Variants in PRPF8 observed in about 807,000 individuals in gnomAD.
PRPF8 encodes pre-mRNA-processing-splicing factor 8.
PRPF8 carries 64 observed loss-of-function variants against 285.9 expected under a neutral mutation model. The ratio of observed to expected loss-of-function variants is 0.22; its 90% CI spans 0.18 to 0.28. The LOEUF (loss-of-function observed/expected upper bound fraction) is 0.28. PRPF8 is among the 10% of genes least tolerant of loss of function. The pLI, the probability that PRPF8 is intolerant of heterozygous loss-of-function variation, is 1.00. For synonymous variants in PRPF8, 1,325 were observed against 1,118.2 expected (o/e 1.18, Z -3.69); for missense variants, 1,426 against 3,026.7 (o/e 0.47, Z 12.41).
At position 1,679,677 on chromosome 17, in the gene PRPF8, G is replaced by A. The variant is rs374996889; in HGVS notation, c.1221C>T (p.Ala407=). ...NTANGIALLW[A]PRPFNLRSGR... ...CAGAGCGTAGGTTGAAGGGCCGCGG[G>A]GCCCAGAGCAGGGCAATGCCATTGG... is the stretch of plus-strand genomic sequence containing the variant. Residue 407 remains alanine (A), a synonymous_variant, in exon 9 of 43, where the codon GCC becomes GCT. Coordinates refer to ENST00000304992, the MANE Select transcript of PRPF8 (RefSeq NM_006445.4). The surrounding 1 kb of genome is among the most constrained non-coding windows in gnomAD (Gnocchi z 4.7). 77 of 1,614,042 alleles carry A rather than the reference G, an allele frequency of 4.8e-5. No individual in the cohort carries two copies. Among genetic ancestry groups the A allele is most frequent in the Middle Eastern group, 1.6e-4 (1 of 6,066 alleles).
chr17:1,668,485 CCT>C (rs1245592442), intron 24 of PRPF8, among the ~76,000 whole-genome samples: 67 of 151,852 alleles, frequency 4.4e-4, no homozygotes, highest in South Asian at 2.5e-3. Flanking sequence ...CATCAGCCCC[CCT>C]GAGTAGCTGG....
intron 24 of PRPF8, among the ~76,000 whole-genome samples, chr17:1,667,945 T>C (rs1390997496): frequency 1.3e-5 from 2 of 152,238 alleles, no homozygotes; most frequent in African/African-American, 4.8e-5. Context: ...CCAAAAGTGC[T>C]GGGATTGCAG....
In PRPF8 at chr17:1,678,648, G is replaced by C; in HGVS notation, c.1724C>G (p.Ala575Gly). Residue 575 changes from alanine to glycine, a missense_variant, in exon 13 of 43, where the codon GCA becomes GGA. Physicochemically the swap from Ala to Gly is moderately conservative, Grantham distance 60. Transcript: ENST00000304992. ...GGCAAATATATACTGCAATCCATCT[G>C]CCAGCTGCAATACAATTGCCCCATC... ...RLGNVDAFQL[A>G]DGLQYIFAHV... 1.2e-6 allele frequency: 2 copies of C among 1,614,136 alleles called. No individual in the cohort carries two copies. The highest frequency in any genetic ancestry group is 1.7e-6 in the Non-Finnish European group (2 of 1,180,038).
intron 24 of PRPF8, among the ~76,000 whole-genome samples, chr17:1,670,104 G>C (rs903065486): frequency 6.6e-6 from 1 of 152,132 alleles, no homozygotes; most frequent in African/African-American, 2.4e-5. Flanking sequence ...ATCAATTAAA[G>C]AGGCACCACT....
chr17:1,670,422 C>T (rs1341225698), intron 24 of PRPF8, among the ~76,000 whole-genome samples: 1 of 152,198 alleles, frequency 6.6e-6, no homozygotes, highest in Admixed American at 6.5e-5. Context: ...ATTTTATCTG[C>T]TAACTTCTTA....
At position 1,651,166 on chromosome 17, in the gene PRPF8, G is replaced by A. The variant is rs1911033298; in HGVS notation, c.6795C>T (p.Asp2265=). 1.9e-6 allele frequency: 3 copies of A among 1,614,158 alleles called. 1 individual carries two copies. Among genetic ancestry groups the A allele is most frequent in the Non-Finnish European group, 2.5e-6 (3 of 1,180,032 alleles). The change falls in exon 42 of 43, where the codon GAC becomes GAT. Residue 2265 remains aspartate, a synonymous_variant. Coordinates refer to ENST00000304992, the MANE Select transcript of PRPF8 (RefSeq NM_006445.4). The surrounding 1 kb of genome is among the most constrained non-coding windows in gnomAD (Gnocchi z 5.1). The part of the protein sequence containing the change: ...HYERVQMLLS[D]RFLGFFMVPA... The stretch of plus-strand genomic sequence containing the variant: ...GGACCATGAAGAAGCCAAGGAAACG[G>A]TCCGACAGCAGCATCTGCACCCTCT...
In PRPF8 at chr17:1,675,418, T is replaced by C; in HGVS notation, c.2873-79A>G. 6.5e-7 allele frequency: 1 copy of C among 1,536,482 alleles called. No individual in the cohort carries two copies. Among genetic ancestry groups the C allele is most frequent in the Non-Finnish European group, 9.0e-7 (1 of 1,112,328 alleles). On this transcript the variant is annotated intron_variant, in intron 19 of 42. Coordinates refer to ENST00000304992, the MANE Select transcript of PRPF8 (RefSeq NM_006445.4). This position sits in a 1 kb window ranked among gnomAD's most constrained non-coding sequence, Gnocchi z 6.0. ...AGCCCCACAGGAACTATCATTACCT[T>C]CCATAACCAATCCCACTATGATTCC...
At chr17:1,678,398 G>C in intron 13 of PRPF8, 120 bp downstream of exon 13, 2 of 1,299,490 alleles carry the variant, frequency 1.5e-6, no homozygotes, top group Non-Finnish European at 2.2e-6. Flanking sequence ...CAGGAGAATT[G>C]CTTGAACTCA....
In PRPF8 at chr17:1,680,429, C is replaced by A. The variant is rs573676605; in HGVS notation, c.1098+297G>T. 6 of 500,370 alleles carry A rather than the reference C, an allele frequency of 1.2e-5. No individual in the cohort carries two copies. In the East Asian group the frequency reaches 1.9e-4, roughly 16 times the overall value. 31.0% of individuals were successfully genotyped at this position (500,370 alleles called of 1,614,324 possible). Reference sequence around the variant, plus strand: ...ATGGATAACTTGTATGGTATGTTAACTACATCTCAATATAAAGGCTAAAAC... The same window carrying A: ...ATGGATAACTTGTATGGTATGTTAAATACATCTCAATATAAAGGCTAAAAC... On this transcript the variant is annotated intron_variant, in intron 8 of 42. Coordinates refer to ENST00000304992, the MANE Select transcript of PRPF8 (RefSeq NM_006445.4).
Position 1,683,537 on chromosome 17 carries a change from A to G in PRPF8, c.265T>C (p.Leu89=), listed in dbSNP as rs374170354. Residue 89 remains leucine (L), a synonymous_variant, in exon 3 of 43, where the codon TTG becomes CTG. Transcript: ENST00000304992. ...RKFRHDKRVY[L]GALKYMPHAV... ...TTATTTCAGGATGTTCCTTACCCCA[A>G]GTAAACCCTTTTGTCATGGCGGAAC... 44 of 1,614,084 alleles carry G rather than the reference A, an allele frequency of 2.7e-5. 1 individual carries two copies. The highest frequency in any genetic ancestry group is 1.6e-4 in the Middle Eastern group (1 of 6,084).
In PRPF8 at chr17:1,682,044, A is replaced by G. The variant is rs75026252; in HGVS notation, c.435-6T>C. On this transcript the variant is annotated splice_region_variant and splice_polypyrimidine_tract_variant and intron_variant, in intron 4 of 42. Coordinates refer to ENST00000304992, the MANE Select transcript of PRPF8 (RefSeq NM_006445.4). Reference sequence around the variant, plus strand: ...GCATCATAATCCACATTGACCTGGAAGGCAAGACATCACACAACCATTTCT... The same window carrying G: ...GCATCATAATCCACATTGACCTGGAGGGCAAGACATCACACAACCATTTCT... 1.2e-6 allele frequency: 2 copies of G among 1,613,810 alleles called. No individual in the cohort carries two copies. Among genetic ancestry groups the G allele is most frequent in the African/African-American group, 1.3e-5 (1 of 74,822 alleles).
intron 34 of PRPF8, 110 bp from the exon 35 acceptor site, chr17:1,656,871 G>A (rs1911415240): frequency 2.0e-6 from 2 of 993,238 alleles, no homozygotes; most frequent in Non-Finnish European, 3.1e-6. Context: ...ATTGAACACT[G>A]ATGTTAAATG....
In PRPF8 at chr17:1,659,119, G is replaced by A. The variant is rs777549212; in HGVS notation, c.5138+238C>T. 6.5e-5 allele frequency: 42 copies of A among 641,642 alleles called. No homozygotes were observed. The highest frequency in any genetic ancestry group is 8.2e-4 in the Middle Eastern group (2 of 2,448). 39.7% of individuals were successfully genotyped at this position (641,642 alleles called of 1,614,324 possible). A position where few individuals can be genotyped will look rare whatever the true frequency, so the allele number is the denominator to read the frequency against. ...CGGTTCACTGCAAGCTCCGCCTCCC[G>A]GGTTCAAGTAATTCTCCCACCTCAA... On this transcript the variant is annotated intron_variant, in intron 32 of 42. Transcript: ENST00000304992. The surrounding 1 kb of genome is among the most constrained non-coding windows in gnomAD (Gnocchi z 5.1).
At chr17:1,660,860 C>T (rs200405502) in intron 28 of PRPF8, 33 bp from the exon 29 acceptor site, 39 of 1,613,196 alleles carry the variant, frequency 2.4e-5, no homozygotes, top group South Asian at 1.4e-4. Flanking sequence ...GAGGTGATAT[C>T]CTGCCATTTC....
rs762254970 is a variant in PRPF8 at position 1,678,932 on chromosome 17, C to A, written c.1600-51G>T. 9 of 1,613,738 alleles carry A rather than the reference C, an allele frequency of 5.6e-6. No individual in the cohort carries two copies. In the African/African-American group the frequency reaches 6.7e-5, roughly 12 times the overall value. On this transcript the variant is annotated intron_variant, in intron 11 of 42. Coordinates refer to ENST00000304992, the MANE Select transcript of PRPF8 (RefSeq NM_006445.4). ...GAACGTGAATGAGCAATGGACCCAACTGATGTATGCCTTCATCAGTAACCA... is the reference window on the plus strand; with the variant it reads ...GAACGTGAATGAGCAATGGACCCAAATGATGTATGCCTTCATCAGTAACCA...
rs771297943 is a variant in PRPF8, at chr17:1,679,070, G to A, written c.1546C>T (p.Leu516=). 6.2e-7 allele frequency: 1 copy of A among 1,614,194 alleles called. No individual in the cohort carries two copies. Among genetic ancestry groups the A allele is most frequent in the Non-Finnish European group, 8.5e-7 (1 of 1,180,042 alleles). Residue 516 remains leucine (L), a synonymous_variant, in exon 11 of 43, where the codon CTG becomes TTG. Coordinates refer to ENST00000304992, the MANE Select transcript of PRPF8 (RefSeq NM_006445.4). This position sits in a 1 kb window ranked among gnomAD's most constrained non-coding sequence, Gnocchi z 4.7. ...AGGTTGAAGTTGTAGTCCAGGTGCA[G>A]GTAGTTGAGGTTTTTGCGGTGAATG... ...LLIHRKNLNY[L]HLDYNFNLKP...
In PRPF8 at chr17:1,675,053, A is replaced by G. The variant is rs893072571; in HGVS notation, c.3060+99T>C. On this transcript the variant is annotated intron_variant, in intron 20 of 42. Transcript: ENST00000304992. This position sits in a 1 kb window ranked among gnomAD's most constrained non-coding sequence, Gnocchi z 6.0. ...CTCCCAAAGTGCTGGGATTACAGGC[A>G]TGAGCCACCGCACCCAGCCTCCTCC... 76 of 1,418,352 alleles carry G rather than the reference A, an allele frequency of 5.4e-5. No homozygotes were observed. Among genetic ancestry groups the G allele is most frequent in the Non-Finnish European group, 7.0e-5 (71 of 1,016,976 alleles). 87.9% of individuals were successfully genotyped at this position (1,418,352 alleles called of 1,614,324 possible). A position where few individuals can be genotyped will look rare whatever the true frequency, so the allele number is the denominator to read the frequency against.
Position 1,651,961 on chromosome 17 carries a change from G to C in PRPF8, c.6370-173C>G. 4 of 815,402 alleles carry C rather than the reference G, an allele frequency of 4.9e-6. No homozygotes were observed. The South Asian group carries it at 5.9e-5, about 12-fold the overall frequency. The allele number at this position is 815,402 out of a possible 1,614,324, so 50.5% of individuals were successfully genotyped here. On this transcript the variant is annotated intron_variant, in intron 39 of 42. Transcript: ENST00000304992. The surrounding 1 kb of genome is among the most constrained non-coding windows in gnomAD (Gnocchi z 5.1). ...GGTGCTTGTTCAAAATGTTAGACAT[G>C]GACCTCATCGCGGACTTACCACATC...
chr17:1,665,491 T>G (rs894314119), intron 24 of PRPF8, among the ~76,000 whole-genome samples: 3 of 150,538 alleles, frequency 2.0e-5, no homozygotes, highest in African/African-American at 7.4e-5. Context: ...TGAGCCAAGA[T>G]TGCGCCACTG....
Sources: allele counts gnomAD v4.1 joint callset (sites outside exome capture counted in the v4.1 genomes callset), GRCh38; gene constraint gnomAD v4.1.1; non-coding constraint Gnocchi (gnomAD v3.1); transcripts MANE v1.5; gene names NCBI Gene and HGNC (gene_info 2026-07-23, HGNC 2026-07-21).